Variants in ZNF532 observed in about 807,000 individuals in gnomAD.
ZNF532 encodes zinc finger protein 532.
ZNF532 carries 22 observed loss-of-function variants against 89.3 expected under a neutral mutation model. That is an observed-to-expected ratio of 0.25 (90% confidence interval 0.18 to 0.35). The LOEUF (loss-of-function observed/expected upper bound fraction) is 0.35, where lower values mean the gene tolerates loss of function less well. Ranked by LOEUF, ZNF532 falls within the 10% of genes least tolerant of loss-of-function variation. The pLI, the probability that ZNF532 is intolerant of heterozygous loss-of-function variation, is 1.00. For synonymous variants in ZNF532, 606 were observed against 649.6 expected (o/e 0.93, Z 1.02); for missense variants, 1,132 against 1,643.4 (o/e 0.69, Z 5.38).
intron 2 of ZNF532, among the ~76,000 whole-genome samples, chr18:58,902,452 G>A (rs776016786): frequency 1.9e-4 from 29 of 151,528 alleles, no homozygotes; most frequent in South Asian, 6.3e-4. Flanking sequence ...AGAGAAACCT[G>A]TGTATTCTTT....
intron 7 of ZNF532, chr18:58,954,230 G>C (rs1455538914): frequency 2.0e-6 from 2 of 988,634 alleles, no homozygotes; most frequent in Non-Finnish European, 1.2e-6. Flanking sequence ...CTTGAGTTTG[G>C]TAGTGGGAAG....
In ZNF532 at chr18:58,962,663, C is replaced by A. The variant is rs143735034; in HGVS notation, c.3150+8864C>A. ...TGTCGCCCAGGCTGGAGTACAGTGACGCCATCTCGACTCACTGCAAGCTCC... is the reference window on the plus strand; with the variant it reads ...TGTCGCCCAGGCTGGAGTACAGTGAAGCCATCTCGACTCACTGCAAGCTCC... On this transcript the variant is annotated intron_variant, in intron 7 of 9. Coordinates refer to ENST00000591808, the MANE Select transcript of ZNF532 (RefSeq NM_001375912.1). Among the ~76,000 whole-genome samples, 767 of 151,032 alleles carry A rather than the reference C, an allele frequency of 5.1e-3. 7 individuals are homozygous for A. The highest frequency in any genetic ancestry group is 0.017 in the African/African-American group (698 of 41,136).
At chr18:58,880,945 T>A (rs576479179) in intron 2 of ZNF532, among the ~76,000 whole-genome samples, 51 of 152,220 alleles carry the variant, frequency 3.4e-4, no homozygotes, top group African/African-American at 1.1e-3. Flanking sequence ...CTCAGAATTT[T>A]AAAAAAATTC....
chr18:58,940,890 A>G (rs1187896381), intron 5 of ZNF532, among the ~76,000 whole-genome samples: 3 of 144,304 alleles, frequency 2.1e-5, no homozygotes, highest in Non-Finnish European at 3.0e-5. Context: ...TTAAGGAAGT[A>G]TTAGGGGGAA....
chr18:58,941,993 T>A (rs1160591481), intron 5 of ZNF532, among the ~76,000 whole-genome samples: 1 of 116,134 alleles, frequency 8.6e-6, no homozygotes, highest in Non-Finnish European at 1.8e-5. Context: ...CCTCCTTCCC[T>A]TCCTTCCTTC....
chr18:58,954,391 A>AG, intron 7 of ZNF532: 1 of 350,078 alleles, frequency 2.9e-6, no homozygotes, highest in Non-Finnish European at 4.0e-6. Flanking sequence ...AGACCTAATA[A>AG]TATTAGCAAA....
intron 3 of ZNF532, among the ~76,000 whole-genome samples, chr18:58,929,995 T>C (rs1356475899): frequency 2.0e-5 from 3 of 152,216 alleles, no homozygotes; most frequent in African/African-American, 7.2e-5. Flanking sequence ...GGCTGACTGT[T>C]AAGCTGGTAT....
rs187989498 is a variant in ZNF532, at chr18:58,919,760, C to T, written c.1473C>T (p.Ser491=). The T allele has an allele frequency of 5.6e-6, 9 of 1,614,160 alleles. No individual in the cohort carries two copies. Among genetic ancestry groups the T allele is most frequent in the South Asian group, 2.2e-5 (2 of 91,064 alleles). Residue 491 remains serine, a synonymous_variant, in exon 3 of 10, where the codon AGC becomes AGT. Coordinates refer to ENST00000591808, the MANE Select transcript of ZNF532 (RefSeq NM_001375912.1). The surrounding 1 kb of genome is among the most constrained non-coding windows in gnomAD (Gnocchi z 6.1). ...CTGCCTCTGTCCAGAGTGCCAGCAG[C>T]GCCATCATTAAAGCTGCCAACGCCA... The part of the protein sequence containing the change: ...ISAASVQSAS[S]AIIKAANAIQ...
chr18:58,908,100 G>A (rs2060047883), intron 2 of ZNF532, among the ~76,000 whole-genome samples: 1 of 152,180 alleles, frequency 6.6e-6, no homozygotes, highest in Non-Finnish European at 1.5e-5. Flanking sequence ...TGTGCTGTGT[G>A]TTTAATTATG....
intron 7 of ZNF532, among the ~76,000 whole-genome samples, chr18:58,965,743 C>T (rs1021706183): frequency 4.6e-5 from 7 of 152,172 alleles, no homozygotes; most frequent in Admixed American, 1.3e-4. Context: ...ATCATGGTGT[C>T]GTTAATTAAT....
intron 6 of ZNF532, among the ~76,000 whole-genome samples, chr18:58,951,481 T>G (rs899639867): frequency 3.3e-5 from 5 of 152,142 alleles, no homozygotes; most frequent in African/African-American, 9.7e-5. Context: ...ATGGAAAAAC[T>G]TAGCTTCTCT....
chr18:58,900,451 C>T (rs1173693311), intron 2 of ZNF532, among the ~76,000 whole-genome samples: 5 of 152,190 alleles, frequency 3.3e-5, no homozygotes, highest in African/African-American at 1.2e-4. Flanking sequence ...CCTAGCTTCC[C>T]CAGCTGATGA....
intron 2 of ZNF532, among the ~76,000 whole-genome samples, chr18:58,878,109 G>A (rs1318883205): frequency 6.6e-6 from 1 of 152,090 alleles, no homozygotes; most frequent in African/African-American, 2.4e-5. Context: ...ACAAAAAGTA[G>A]CTAGGTGTGG....
intron 2 of ZNF532, among the ~76,000 whole-genome samples, chr18:58,868,425 C>T (rs1375156694): frequency 2.0e-5 from 3 of 152,200 alleles, no homozygotes; most frequent in Middle Eastern, 3.2e-3. Context: ...CCACCACGGG[C>T]GAAGCAGAAC....
Position 58,919,361 on chromosome 18 carries a change from C to A in ZNF532, c.1074C>A (p.Ile358=). 1 of 1,614,218 alleles carries A rather than the reference C, an allele frequency of 6.2e-7. No homozygotes were observed. ...PSSPAGSTPA[I]PKVRIKTIKT... The stretch of plus-strand genomic sequence containing the variant: ...CTCCCGCAGGGTCCACACCAGCAAT[C>A]CCCAAAGTCCGCATAAAAACCATTA... The change falls in exon 3 of 10, where the codon ATC becomes ATA. Residue 358 remains isoleucine (I), a synonymous_variant. Coordinates refer to ENST00000591808, the MANE Select transcript of ZNF532 (RefSeq NM_001375912.1). This position sits in a 1 kb window ranked among gnomAD's most constrained non-coding sequence, Gnocchi z 6.1.
rs1190942760 is a variant in ZNF532 at position 58,984,299 on chromosome 18, G to C, written c.3739G>C (p.Glu1247Gln). The C allele has an allele frequency of 6.2e-7, 1 of 1,611,918 alleles. No homozygotes were observed. Among genetic ancestry groups the C allele is most frequent in the Non-Finnish European group, 8.5e-7 (1 of 1,179,810 alleles). The part of the protein sequence containing the change: ...QNGAGEDNQQ[E>Q]NKPSHEDESP... ...TGGGGCTGGGGAAGATAACCAACAGGAGAACAAACCCAGCCACGAGGATGA... is the reference window on the plus strand; with the variant it reads ...TGGGGCTGGGGAAGATAACCAACAGCAGAACAAACCCAGCCACGAGGATGA... Residue 1247 changes from glutamate (E) to glutamine (Q), a missense_variant, in exon 10 of 10, where the codon GAG (glutamate) becomes CAG (glutamine). Around this residue, in one of 9 missense-constraint regions of ZNF532, gnomAD observed 415 missense variants for 604.8 expected, o/e 0.69. Coordinates refer to ENST00000591808, the MANE Select transcript of ZNF532 (RefSeq NM_001375912.1).
chr18:58,981,439 G>A (rs751379373), intron 8 of ZNF532, 31 bp from the exon 9 acceptor site: 1 of 1,600,976 alleles, frequency 6.2e-7, no homozygotes, highest in South Asian at 1.1e-5. Flanking sequence ...TTGTCAGCAA[G>A]TGCGTTATCT....
chr18:58,984,910 C>A lies in ZNF532; in HGVS notation c.*444C>A, dbSNP rs538935731. The A allele has an allele frequency of 6.2e-6, 1 of 161,586 alleles. No homozygotes were observed. The highest frequency in any genetic ancestry group is 1.8e-4 in the East Asian group (1 of 5,672). The allele number at this position is 161,586 out of a possible 1,614,324, so 10.0% of individuals were successfully genotyped here. A position where few individuals can be genotyped will look rare whatever the true frequency, so the allele number is the denominator to read the frequency against. On this transcript the variant is annotated 3_prime_UTR_variant, in exon 10 of 10. Transcript: ENST00000591808. Reference sequence around the variant, plus strand: ...TTTAGTGTTTTTAATTTTTAGAATTCACTACATAAATTGTAAGTAATTGTG... The same window carrying A: ...TTTAGTGTTTTTAATTTTTAGAATTAACTACATAAATTGTAAGTAATTGTG...
intron 2 of ZNF532, among the ~76,000 whole-genome samples, chr18:58,880,751 GGC>G (rs1166775525): frequency 5.0e-5 from 4 of 80,220 alleles, no homozygotes; most frequent in East Asian, 4.4e-4. Flanking sequence ...CCCTCTCATA[GGC>G]GCGCGCGCAC....
Sources: allele counts gnomAD v4.1 joint callset (sites outside exome capture counted in the v4.1 genomes callset), GRCh38; gene constraint gnomAD v4.1.1; regional missense constraint gnomAD v4.1.1; non-coding constraint Gnocchi (gnomAD v3.1); transcripts MANE v1.5; gene names NCBI Gene and HGNC (gene_info 2026-07-23, HGNC 2026-07-21).